DIP2B: variants seen among roughly 807,000 people sequenced by gnomAD.
The protein encoded by DIP2B is DIP2 acetate--CoA ligase B (putative), also known as disco-interacting protein 2 homolog B.
In DIP2B, 76 loss-of-function variants were observed where a neutral mutation model predicts 198.0. The observed-to-expected ratio is 0.38, with a 90% confidence interval of 0.32 to 0.46. The LOEUF is 0.46. Ranked by LOEUF, DIP2B falls within the 20% of genes least tolerant of loss-of-function variation. The pLI is 0.99. For missense variants in DIP2B, 1,559 were observed against 1,978.4 expected (o/e 0.79, Z 4.02); for synonymous variants, 701 against 739.1 (o/e 0.95, Z 0.84).
intron 4 of DIP2B, among the ~76,000 whole-genome samples, chr12:50,668,383 G>A (rs530506636): frequency 1.2e-4 from 19 of 152,288 alleles, no homozygotes; most frequent in Non-Finnish European, 2.2e-4. Context: ...CTAGTAAGAG[G>A]TGGATCCTAG....
chr12:50,700,842 A>G (rs1010156352), intron 19 of DIP2B, among the ~76,000 whole-genome samples: 5 of 152,274 alleles, frequency 3.3e-5, no homozygotes, highest in Middle Eastern at 6.8e-3. Flanking sequence ...CCTTGAGTGT[A>G]TATACATTTA....
chr12:50,678,823 C>G lies in DIP2B; in HGVS notation c.1061C>G (p.Ser354Cys), dbSNP rs1369858380. 1 of 1,614,076 alleles carries G rather than the reference C, an allele frequency of 6.2e-7. No homozygotes were observed. The highest frequency in any genetic ancestry group is 1.7e-5 in the Admixed American group (1 of 59,998). Reference sequence around the variant, plus strand: ...TGGGGTACCACTCAAGCAAAATGCTCCTGTCTGACTGCACTGGACATGACA... The same window carrying G: ...TGGGGTACCACTCAAGCAAAATGCTGCTGTCTGACTGCACTGGACATGACA... ...QRWGTTQAKC[S>C]CLTALDMTGK... Residue 354 changes from serine to cysteine, a missense_variant, in exon 8 of 38, where the codon TCC becomes TGC. Coordinates refer to ENST00000301180, the MANE Select transcript of DIP2B (RefSeq NM_173602.3).
intron 1 of DIP2B, among the ~76,000 whole-genome samples, chr12:50,554,500 A>G (rs1958452604): frequency 6.6e-6 from 1 of 152,124 alleles, no homozygotes; most frequent in Non-Finnish European, 1.5e-5. Flanking sequence ...ATCTGCCTCT[A>G]TATGATCGCT....
In DIP2B at chr12:50,746,163, G is replaced by A. The variant is rs1430496802; in HGVS notation, c.*1324G>A. On this transcript the variant is annotated 3_prime_UTR_variant, in exon 38 of 38. Coordinates refer to ENST00000301180, the MANE Select transcript of DIP2B (RefSeq NM_173602.3). ...TGAGACTGAGTTTGGCCTCTGGCTC[G>A]GTTTCCTTTCTTTGGTCTGATACTT... The A allele has an allele frequency of 6.6e-6, 1 of 152,114 alleles. No individual in the cohort carries two copies. The highest frequency in any genetic ancestry group is 1.5e-5 in the Non-Finnish European group (1 of 68,020). 9.4% of individuals were successfully genotyped at this position (152,114 alleles called of 1,614,324 possible).
At chr12:50,637,596 A>G (rs773085657) in intron 2 of DIP2B, among the ~76,000 whole-genome samples, 2 of 152,200 alleles carry the variant, frequency 1.3e-5, no homozygotes, top group Admixed American at 1.3e-4. Context: ...CTTAGCATGT[A>G]TCACAAGGTC....
At chr12:50,533,866 A>G (rs1394118620) in intron 1 of DIP2B, among the ~76,000 whole-genome samples, 1 of 152,144 alleles carries the variant, frequency 6.6e-6, no homozygotes, top group Non-Finnish European at 1.5e-5. Context: ...CTGGGATTAT[A>G]GGAGTGAGCC....
At position 50,674,489 on chromosome 12, in the gene DIP2B, C is replaced by T; in HGVS notation, c.656C>T (p.Pro219Leu). 6.2e-7 allele frequency: 1 copy of T among 1,614,176 alleles called. No individual in the cohort carries two copies. The highest frequency in any genetic ancestry group is 2.2e-5 in the East Asian group (1 of 44,888). ...ANTRIENFSA[P>L]PDVTTTTSSS... is the part of the protein sequence containing the mutation. ...CTCCTCTCAGAGAATTTCTCTGCTC[C>T]TCCTGATGTCACTACAACTACCTCT... is the stretch of plus-strand genomic sequence containing the variant. Residue 219 changes from proline to leucine, a missense_variant, in exon 6 of 38, where the codon CCT (proline) becomes CTT (leucine). By Grantham distance (98) the Pro-to-Leu change is moderately conservative. Coordinates refer to ENST00000301180, the MANE Select transcript of DIP2B (RefSeq NM_173602.3).
intron 1 of DIP2B, among the ~76,000 whole-genome samples, chr12:50,567,318 G>A (rs1041451108): frequency 1.3e-5 from 2 of 152,060 alleles, no homozygotes; most frequent in African/African-American, 4.8e-5. Context: ...ATTTTATTGA[G>A]ATTTTTCCAT....
Position 50,731,469 on chromosome 12 carries a change from A to G in DIP2B, c.3742A>G (p.Thr1248Ala). The G allele has an allele frequency of 6.2e-7, 1 of 1,614,218 alleles. No individual in the cohort carries two copies. Among genetic ancestry groups the G allele is most frequent in the Non-Finnish European group, 8.5e-7 (1 of 1,180,032 alleles). Residue 1248 changes from threonine to alanine, a missense_variant, in exon 31 of 38, where the codon ACT (threonine) becomes GCT (alanine). Coordinates refer to ENST00000301180, the MANE Select transcript of DIP2B (RefSeq NM_173602.3). ...AGTCAACCAGTACAAAATAAGGGACACTTTCTGCTCCTATTCAGTGATGGA... is the reference window on the plus strand; with the variant it reads ...AGTCAACCAGTACAAAATAAGGGACGCTTTCTGCTCCTATTCAGTGATGGA... Reference protein sequence around the residue: ...STVNQYKIRDTFCSYSVMELC... With the variant: ...STVNQYKIRDAFCSYSVMELC...
intron 14 of DIP2B, among the ~76,000 whole-genome samples, chr12:50,693,978 G>C: frequency 6.6e-6 from 1 of 152,064 alleles, no homozygotes; most frequent in East Asian, 1.9e-4. Flanking sequence ...TGATTAGAGT[G>C]GCAGGAGAGA....
intron 2 of DIP2B, among the ~76,000 whole-genome samples, chr12:50,634,441 TAC>T (rs1171688606): frequency 6.6e-6 from 1 of 152,230 alleles, no homozygotes; most frequent in Non-Finnish European, 1.5e-5. Context: ...ATTCTAAACT[TAC>T]AGGGGTTACT....
chr12:50,530,539 C>T (rs749908708), intron 1 of DIP2B, among the ~76,000 whole-genome samples: 1 of 152,096 alleles, frequency 6.6e-6, no homozygotes, highest in South Asian at 2.1e-4. Flanking sequence ...TGTCACACAA[C>T]CAAGTGATAC....
At chr12:50,630,663 C>CTTTTTTT (rs11327858) in intron 2 of DIP2B, among the ~76,000 whole-genome samples, 43 of 74,568 alleles carry the variant, frequency 5.8e-4, no homozygotes, top group East Asian at 2.6e-3. Context: ...TCTTTCTTTT[C>CTTTTTTT]TTTTTTTTTT....
At position 50,719,163 on chromosome 12, in the gene DIP2B, C is replaced by T. The variant is rs1402037781; in HGVS notation, c.3042+128C>T. ...TGAAGAAGGAGTTAATGGCTTTCTC[C>T]TTGCTTTGGCATATGAGGGTAAACT... On this transcript the variant is annotated intron_variant, in intron 25 of 37. Transcript: ENST00000301180. 2 of 980,264 alleles carry T rather than the reference C, an allele frequency of 2.0e-6. 1 individual carries two copies. Among genetic ancestry groups the T allele is most frequent in the Non-Finnish European group, 3.0e-6 (2 of 671,816 alleles). The allele number at this position is 980,264 out of a possible 1,614,324, so 60.7% of individuals were successfully genotyped here. A position where few individuals can be genotyped will look rare whatever the true frequency, so the allele number is the denominator to read the frequency against.
intron 1 of DIP2B, among the ~76,000 whole-genome samples, chr12:50,606,072 C>T (rs916744397): frequency 6.6e-6 from 1 of 152,210 alleles, no homozygotes; most frequent in Non-Finnish European, 1.5e-5. Context: ...GTTCACCCAT[C>T]TTGGCCTCCC....
intron 36 of DIP2B, among the ~76,000 whole-genome samples, 187 bp from the exon 37 acceptor site, chr12:50,741,229 T>G (rs777314788): frequency 1.7e-3 from 252 of 152,188 alleles, no homozygotes; most frequent in Non-Finnish European, 3.2e-3. Context: ...ACAGCAGCCA[T>G]TGATTATTAT....
At chr12:50,595,092 TGGCCA>T (rs1958867152) in intron 1 of DIP2B, among the ~76,000 whole-genome samples, 1 of 152,226 alleles carries the variant, frequency 6.6e-6, no homozygotes, top group Non-Finnish European at 1.5e-5. Context: ...TAAGTTAAAT[TGGCCA>T]TATAAATTAA....
chr12:50,719,084 A>G (rs1359621567), intron 25 of DIP2B, 49 bp downstream of exon 25: 2 of 1,576,328 alleles, frequency 1.3e-6, no homozygotes, highest in Admixed American at 1.8e-5. Context: ...CTATAGGACC[A>G]TCTTAGGCAC....
intron 3 of DIP2B, among the ~76,000 whole-genome samples, chr12:50,641,084 A>G (rs984555700): frequency 2.0e-5 from 3 of 152,132 alleles, no homozygotes; most frequent in African/African-American, 7.2e-5. Context: ...CGGCTGGGCG[A>G]TGTGGCTCAC....
Sources: gnomAD v4.1 joint callset for allele counts (sites outside exome capture counted in the v4.1 genomes callset) on GRCh38, gnomAD v4.1.1 for gene constraint, MANE v1.5 for transcripts, NCBI Gene and HGNC (gene_info 2026-07-23, HGNC 2026-07-21) for gene names.